The following B3GALT1 variants were observed in gnomAD, a reference collection of about 807,000 sequenced individuals.
B3GALT1 encodes the protein UDP-Gal:betaGlcNAc beta 1,3-galactosyltransferase, polypeptide 1.
B3GALT1 carries 10 observed loss-of-function variants against 23.2 expected under a neutral mutation model. The ratio of observed to expected loss-of-function variants is 0.43; its 90% CI spans 0.27 to 0.73. B3GALT1 has a LOEUF of 0.73. Ranked by LOEUF, B3GALT1 falls within the 30% of genes least tolerant of loss-of-function variation. B3GALT1 has a pLI of 0.21. For synonymous variants in B3GALT1, 156 were observed against 141.5 expected (o/e 1.10, Z -0.73); for missense variants, 299 against 405.4 (o/e 0.74, Z 2.25).
At chr2:167,392,655 TC>T in intron 1 of B3GALT1, among the ~76,000 whole-genome samples, 1 of 152,280 alleles carries the variant, frequency 6.6e-6, no homozygotes, top group East Asian at 1.9e-4. Flanking sequence ...AGATTACTTG[TC>T]TAATAAATAT....
At chr2:167,493,993 T>G (rs902218097) in intron 2 of B3GALT1, among the ~76,000 whole-genome samples, 1 of 152,156 alleles carries the variant, frequency 6.6e-6, no homozygotes, top group Non-Finnish European at 1.5e-5. Flanking sequence ...GTGGTTTATG[T>G]TAGAAGTACT....
At chr2:167,807,476 A>G (rs1413990329) in intron 3 of B3GALT1, among the ~76,000 whole-genome samples, 2 of 151,208 alleles carry the variant, frequency 1.3e-5, no homozygotes, top group African/African-American at 4.9e-5. Context: ...CCCTCTACAC[A>G]CTGCTTTGAA....
intron 2 of B3GALT1, among the ~76,000 whole-genome samples, chr2:167,538,729 C>T (rs879645295): frequency 6.6e-5 from 10 of 152,102 alleles, no homozygotes; most frequent in Non-Finnish European, 1.3e-4. Context: ...TAACTCAAAT[C>T]GTTTAGAACA....
chr2:167,743,106 C>T (rs1201386628), intron 3 of B3GALT1, among the ~76,000 whole-genome samples: 2 of 151,924 alleles, frequency 1.3e-5, no homozygotes, highest in African/African-American at 4.8e-5. Context: ...AGCTATAGTT[C>T]ACTCATTTTT....
chr2:167,682,019 G>A (rs1055599196), intron 3 of B3GALT1, among the ~76,000 whole-genome samples: 1 of 152,086 alleles, frequency 6.6e-6, no homozygotes, highest in African/African-American at 2.4e-5. Flanking sequence ...TTAAGAAAAT[G>A]TCACAGCTGT....
chr2:167,407,733 A>G (rs1698308484), intron 1 of B3GALT1, among the ~76,000 whole-genome samples: 1 of 152,166 alleles, frequency 6.6e-6, no homozygotes, highest in African/African-American at 2.4e-5. Flanking sequence ...TTGGAAACCT[A>G]GAAGTAATGC....
intron 1 of B3GALT1, among the ~76,000 whole-genome samples, chr2:167,482,661 G>A (rs2105337090): frequency 6.6e-6 from 1 of 152,214 alleles, no homozygotes; most frequent in East Asian, 1.9e-4. Context: ...CCAACACAGT[G>A]AAACCCTGAC....
chr2:167,849,452 A>C (rs949344712), intron 4 of B3GALT1, among the ~76,000 whole-genome samples: 20 of 152,214 alleles, frequency 1.3e-4, no homozygotes, highest in Non-Finnish European at 2.9e-5. Context: ...CTGATCTTCA[A>C]CAAAGCAAAC....
At chr2:167,413,957 C>T (rs1314004216) in intron 1 of B3GALT1, among the ~76,000 whole-genome samples, 1 of 152,000 alleles carries the variant, frequency 6.6e-6, no homozygotes, top group Non-Finnish European at 1.5e-5. Flanking sequence ...AGTTTATTTA[C>T]TGCAATTGAT....
At chr2:167,829,612 C>T (rs1422509640) in intron 4 of B3GALT1, among the ~76,000 whole-genome samples, 1 of 152,170 alleles carries the variant, frequency 6.6e-6, no homozygotes, top group Non-Finnish European at 1.5e-5. Context: ...TTTTCAGGCT[C>T]CAGAGGCCTT....
chr2:167,528,290 CTT>C (rs939504896), intron 2 of B3GALT1, among the ~76,000 whole-genome samples: 2 of 152,170 alleles, frequency 1.3e-5, no homozygotes, highest in African/African-American at 4.8e-5. Flanking sequence ...ATGTCAGAGA[CTT>C]TGCATTTTGT....
At chr2:167,707,020 G>T (rs1266354214) in intron 3 of B3GALT1, among the ~76,000 whole-genome samples, 1 of 152,200 alleles carries the variant, frequency 6.6e-6, no homozygotes, top group Non-Finnish European at 1.5e-5. Context: ...GCATCATGCT[G>T]TGAGGAAGTC....
chr2:167,549,304 A>G (rs1054434832), intron 2 of B3GALT1, among the ~76,000 whole-genome samples: 37 of 152,190 alleles, frequency 2.4e-4, no homozygotes, highest in African/African-American at 8.4e-4. Flanking sequence ...TAACCTGCAT[A>G]CTAACCTTCC....
chr2:167,539,414 G>A (rs1350952001), intron 2 of B3GALT1, among the ~76,000 whole-genome samples: 1 of 152,080 alleles, frequency 6.6e-6, no homozygotes, highest in African/African-American at 2.4e-5. Flanking sequence ...ATCTAGCAAA[G>A]GTGAGACAAC....
At chr2:167,731,135 C>A (rs1391932228) in intron 3 of B3GALT1, among the ~76,000 whole-genome samples, 9 of 152,124 alleles carry the variant, frequency 5.9e-5, no homozygotes, top group Non-Finnish European at 8.8e-5. Flanking sequence ...CTGTAACCAG[C>A]CTTAAGGTAA....
chr2:167,605,360 C>G (rs1684945271), intron 2 of B3GALT1, among the ~76,000 whole-genome samples: 1 of 152,114 alleles, frequency 6.6e-6, no homozygotes, highest in Non-Finnish European at 1.5e-5. Flanking sequence ...GGTGGTTTTC[C>G]TCTTCTGCAT....
intron 3 of B3GALT1, among the ~76,000 whole-genome samples, chr2:167,748,841 T>C (rs1489467181): frequency 6.6e-6 from 1 of 152,142 alleles, no homozygotes; most frequent in African/African-American, 2.4e-5. Context: ...TCAGCATCTC[T>C]GTCCTTGTGT....
intron 2 of B3GALT1, among the ~76,000 whole-genome samples, chr2:167,577,047 T>C (rs1684400204): frequency 1.3e-5 from 2 of 151,772 alleles, no homozygotes. Context: ...CTCTCTCTCT[T>C]TTTTCCTCCT....
At chr2:167,446,726 G>A (rs1699001620) in intron 1 of B3GALT1, among the ~76,000 whole-genome samples, 1 of 152,078 alleles carries the variant, frequency 6.6e-6, no homozygotes, top group South Asian at 2.1e-4. Flanking sequence ...GTCATTTAAG[G>A]ACTTCTCTAC....
Sources: allele counts gnomAD v4.1 joint callset (sites outside exome capture counted in the v4.1 genomes callset), GRCh38; gene constraint gnomAD v4.1.1; transcripts MANE v1.5; gene names NCBI Gene and HGNC (gene_info 2026-07-23, HGNC 2026-07-21).